The following FARS2 variants were observed in gnomAD, a reference collection of about 807,000 sequenced individuals.
FARS2 encodes the protein phenylalanine--tRNA ligase, mitochondrial.
Under a neutral mutation model 46.4 loss-of-function variants are expected in FARS2, and 40 were observed. That is an observed-to-expected ratio of 0.86 (90% confidence interval 0.67 to 1.12). FARS2 has a LOEUF of 1.12. Among genes scored for constraint, FARS2 ranks in the 50% most tolerant of loss-of-function variants. FARS2 has a pLI of 0.00. For missense variants in FARS2, 513 were observed against 567.9 expected (o/e 0.90, Z 0.98); for synonymous variants, 234 against 214.9 (o/e 1.09, Z -0.78).
At chr6:5,474,808 C>T (rs111565358) in intron 4 of FARS2, among the ~76,000 whole-genome samples, 1,584 of 151,928 alleles carry the variant, frequency 0.01, 36 homozygotes, top group African/African-American at 0.036. Context: ...TACAGGCACC[C>T]GCCACCACGC....
chr6:5,370,301 A>G (rs990748893), intron 2 of FARS2, among the ~76,000 whole-genome samples: 1 of 151,606 alleles, frequency 6.6e-6, no homozygotes, highest in Non-Finnish European at 1.5e-5. Context: ...CGACTCTGTG[A>G]TAATACAGTA....
In FARS2 at chr6:5,580,699, T is replaced by G. The variant is rs191608149; in HGVS notation, c.1066-32470T>G. Among the ~76,000 whole-genome samples the G allele has an allele frequency of 3.5e-4, 54 of 152,294 alleles. No homozygotes were observed. In the South Asian group the frequency reaches 3.9e-3, roughly 11 times the overall value. On this transcript the variant is annotated intron_variant, in intron 5 of 6. Transcript: ENST00000274680. ...ATAGTGCTAGGCAGTGCTAGGAGGA[T>G]GTGATTGATCGTCATGCTCTGGACG...
At chr6:5,324,334 T>G (rs1403887709) in intron 1 of FARS2, among the ~76,000 whole-genome samples, 1 of 152,176 alleles carries the variant, frequency 6.6e-6, no homozygotes, top group Non-Finnish European at 1.5e-5. Context: ...TTTTTGTTTG[T>G]TTTGCTGTAT....
At chr6:5,363,565 G>A (rs1323287671) in intron 1 of FARS2, among the ~76,000 whole-genome samples, 1 of 152,076 alleles carries the variant, frequency 6.6e-6, no homozygotes, top group Non-Finnish European at 1.5e-5. Context: ...AAGAGTATGT[G>A]TATATATATG....
intron 5 of FARS2, among the ~76,000 whole-genome samples, chr6:5,547,374 T>C (rs1561704011): frequency 6.6e-6 from 1 of 151,188 alleles, no homozygotes; most frequent in African/African-American, 2.5e-5. Context: ...GCTTCACTTG[T>C]CTTTTTGTTT....
At chr6:5,321,932 A>G (rs1037906792) in intron 1 of FARS2, among the ~76,000 whole-genome samples, 7 of 152,234 alleles carry the variant, frequency 4.6e-5, no homozygotes, top group African/African-American at 1.4e-4. Context: ...GTGGTGGGAC[A>G]TAAGTTATGT....
chr6:5,586,962 G>A (rs939414346), intron 5 of FARS2, among the ~76,000 whole-genome samples: 5 of 152,158 alleles, frequency 3.3e-5, no homozygotes, highest in Non-Finnish European at 7.4e-5. Flanking sequence ...TTATCAAAAT[G>A]TGTGGCTAAT....
At chr6:5,685,744 C>T (rs1167760183) in intron 6 of FARS2, among the ~76,000 whole-genome samples, 1 of 152,158 alleles carries the variant, frequency 6.6e-6, no homozygotes, top group Non-Finnish European at 1.5e-5. Context: ...CTACCATAGG[C>T]CTCACCCAGG....
intron 6 of FARS2, among the ~76,000 whole-genome samples, chr6:5,762,201 A>G (rs1030246880): frequency 1.3e-5 from 2 of 152,250 alleles, no homozygotes; most frequent in African/African-American, 4.8e-5. Flanking sequence ...TAATAATACC[A>G]ACTGTTAACT....
At chr6:5,349,690 A>G (rs1757451130) in intron 1 of FARS2, among the ~76,000 whole-genome samples, 1 of 152,120 alleles carries the variant, frequency 6.6e-6, no homozygotes, top group African/African-American at 2.4e-5. Context: ...TTTTTACCTA[A>G]TACCCTTTTT....
At chr6:5,652,093 C>G (rs1777397068) in intron 6 of FARS2, among the ~76,000 whole-genome samples, 1 of 152,130 alleles carries the variant, frequency 6.6e-6, no homozygotes, top group Non-Finnish European at 1.5e-5. Flanking sequence ...TCAGGAAGAT[C>G]CGGGAGGGGC....
chr6:5,640,320 C>CA (rs1466770448), intron 6 of FARS2, among the ~76,000 whole-genome samples: 4 of 152,166 alleles, frequency 2.6e-5, no homozygotes, highest in African/African-American at 9.7e-5. Context: ...TTTAAGGTCT[C>CA]ACGGCCATTA....
At chr6:5,499,723 G>A (rs1046348384) in intron 4 of FARS2, among the ~76,000 whole-genome samples, 1 of 152,174 alleles carries the variant, frequency 6.6e-6, no homozygotes, top group Non-Finnish European at 1.5e-5. Context: ...TGATATCATT[G>A]CCTGCAGAAA....
chr6:5,705,252 A>T (rs984086233), intron 6 of FARS2, among the ~76,000 whole-genome samples: 2 of 152,242 alleles, frequency 1.3e-5, no homozygotes, highest in African/African-American at 4.8e-5. Flanking sequence ...GCCGTTTTTT[A>T]ATAGTCCCAG....
intron 6 of FARS2, among the ~76,000 whole-genome samples, chr6:5,717,933 T>TAGAGAG (rs1195279552): frequency 1.6e-5 from 2 of 128,226 alleles, no homozygotes; most frequent in African/African-American, 3.9e-5. Flanking sequence ...TATATATATA[T>TAGAGAG]ATACAGAGTC....
chr6:5,460,144 T>G (rs140614251), intron 4 of FARS2, among the ~76,000 whole-genome samples: 104 of 152,368 alleles, frequency 6.8e-4, no homozygotes, highest in African/African-American at 2.5e-3. Context: ...ACATAACTTT[T>G]TCTTCAGTCT....
intron 6 of FARS2, among the ~76,000 whole-genome samples, chr6:5,705,011 AATT>A (rs965463001): frequency 6.6e-5 from 10 of 152,166 alleles, no homozygotes; most frequent in African/African-American, 2.2e-4. Context: ...TAGTTCTCAA[AATT>A]ATTATTATTA....
At chr6:5,758,944 A>G (rs1256722873) in intron 6 of FARS2, among the ~76,000 whole-genome samples, 1 of 151,896 alleles carries the variant, frequency 6.6e-6, no homozygotes, top group Non-Finnish European at 1.5e-5. Context: ...GGGGATACAA[A>G]TAGGAAGGGC....
intron 4 of FARS2, among the ~76,000 whole-genome samples, chr6:5,444,410 T>C (rs961942548): frequency 3.6e-5 from 5 of 139,104 alleles, no homozygotes; most frequent in Admixed American, 8.1e-5. Context: ...GAGGTTGCAG[T>C]GAGCCGAGAT....
Sources: allele counts gnomAD v4.1 joint callset (sites outside exome capture counted in the v4.1 genomes callset), GRCh38; gene constraint gnomAD v4.1.1; transcripts MANE v1.5; gene names NCBI Gene and HGNC (gene_info 2026-07-23, HGNC 2026-07-21).